The following PSD2 variants were observed in gnomAD, a reference collection of about 807,000 sequenced individuals.
The protein encoded by PSD2 is PH and SEC7 domain-containing protein 2.
In PSD2, 38 loss-of-function variants were observed where a neutral mutation model predicts 69.8. That is an observed-to-expected ratio of 0.54 (90% confidence interval 0.42 to 0.71). The LOEUF (loss-of-function observed/expected upper bound fraction) is 0.71, where lower values mean the gene tolerates loss of function less well. PSD2 is among the 30% of genes least tolerant of loss of function. PSD2 has a pLI of 0.00. For missense variants in PSD2, 943 were observed against 1,014.5 expected, an observed-to-expected ratio of 0.93 and a Z score of 0.96; for synonymous variants, 412 against 423.0, an observed-to-expected ratio of 0.97 and a Z score of 0.32.
At chr5:139,817,377 G>C in intron 4 of PSD2, 104 bp from the exon 5 acceptor site, 1 of 938,478 alleles carries the variant, frequency 1.1e-6, no homozygotes, top group Non-Finnish European at 1.7e-6. Flanking sequence ...AGCAGGTCTA[G>C]GGGGTGGGTG....
the PSD2 span, among the ~76,000 whole-genome samples, chr5:139,772,048 G>A: frequency 0.029 from 4,357 of 152,264 alleles, 112 homozygotes; most frequent in East Asian, 0.11. Flanking sequence ...AGGGGACAAT[G>A]AGAGGAGGAA....
chr5:139,816,890 C>G (rs1760134318), intron 4 of PSD2, among the ~76,000 whole-genome samples: 1 of 152,238 alleles, frequency 6.6e-6, no homozygotes, highest in Non-Finnish European at 1.5e-5. Context: ...AGTCTCACAT[C>G]TCCCGCAGGG....
At chr5:139,783,177 G>A in the PSD2 span, among the ~76,000 whole-genome samples, 1 of 152,198 alleles carries the variant, frequency 6.6e-6, no homozygotes, top group Admixed American at 6.5e-5. Context: ...GGTCACACCT[G>A]TAATCCCAGC....
chr5:139,821,913 C>T lies in PSD2; in HGVS notation c.1118C>T (p.Pro373Leu), dbSNP rs755877993. 13 of 1,608,050 alleles carry T rather than the reference C, an allele frequency of 8.1e-6. No individual in the cohort carries two copies. Among genetic ancestry groups the T allele is most frequent in the Middle Eastern group, 1.7e-4 (1 of 5,914 alleles). Residue 373 changes from proline (P) to leucine (L), a missense_variant, in exon 6 of 15, where the codon CCG (proline) becomes CTG (leucine). Physicochemically the swap from Pro to Leu is moderately conservative, Grantham distance 98. This residue lies in a region of PSD2 where 312 missense variants were observed against 400.7 expected (regional missense o/e 0.78). Coordinates refer to ENST00000274710, the MANE Select transcript of PSD2 (RefSeq NM_032289.4). ...TCCAGAACATTCTTGAAGGCCTTCC[C>T]GCTGATGGGGGAGACACAAGAGCGT... ...GALRTFLKAF[P>L]LMGETQERER... is the part of the protein sequence containing the mutation.
chr5:139,809,689 G>C lies in PSD2; in HGVS notation c.249G>C (p.Leu83=), dbSNP rs1432796276. 1 of 1,614,252 alleles carries C rather than the reference G, an allele frequency of 6.2e-7. No homozygotes were observed. The highest frequency in any genetic ancestry group is 1.1e-5 in the South Asian group (1 of 91,084). ...LGLSLTNGLA[L]GPDLNILEDS... is the part of the protein sequence containing the mutation. ...TCTCTCTCACCAATGGCCTAGCCCT[G>C]GGGCCAGACTTGAACATTCTGGAAG... Residue 83 remains leucine, a synonymous_variant, in exon 2 of 15, where the codon CTG becomes CTC. Transcript: ENST00000274710.
Position 139,837,843 on chromosome 5 carries a change from C to T in PSD2, c.1823+61C>T, listed in dbSNP as rs1330670359. 2 of 1,504,816 alleles carry T rather than the reference C, an allele frequency of 1.3e-6. No individual in the cohort carries two copies. The highest frequency in any genetic ancestry group is 1.9e-5 in the Admixed American group (1 of 53,638). The allele number at this position is 1,504,816 out of a possible 1,614,324, so 93.2% of individuals were successfully genotyped here. On this transcript the variant is annotated intron_variant, in intron 12 of 14. Coordinates refer to ENST00000274710, the MANE Select transcript of PSD2 (RefSeq NM_032289.4). The surrounding 1 kb of genome is among the most constrained non-coding windows in gnomAD (Gnocchi z 5.0). ...GGCCCAGGGCCACAGTGACCCGGCA[C>T]ACAACCCCTCTCCTTCCCGTGAGTC... is the stretch of plus-strand genomic sequence containing the variant.
rs1760049465 is a variant in PSD2, at chr5:139,814,019, C to G, written c.822-151C>G. 2.5e-6 allele frequency: 2 copies of G among 791,448 alleles called. No individual in the cohort carries two copies. The highest frequency in any genetic ancestry group is 5.0e-5 in the East Asian group (2 of 39,816). 49.0% of individuals were successfully genotyped at this position (791,448 alleles called of 1,614,324 possible). On this transcript the variant is annotated intron_variant, in intron 3 of 14. Coordinates refer to ENST00000274710, the MANE Select transcript of PSD2 (RefSeq NM_032289.4). This position sits in a 1 kb window ranked among gnomAD's most constrained non-coding sequence, Gnocchi z 4.4. ...TCACTTGAGAGGTTCTTCTGAAAGT[C>G]TGATTTCATTCCCTCCGGCTGCAGT...
Position 139,814,278 on chromosome 5 carries a change from C to T in PSD2, c.930C>T (p.Val310=). 1 of 1,613,706 alleles carries T rather than the reference C, an allele frequency of 6.2e-7. No homozygotes were observed. Among genetic ancestry groups the T allele is most frequent in the Non-Finnish European group, 8.5e-7 (1 of 1,179,792 alleles). The change falls in exon 4 of 15, where the codon GTC becomes GTT. Residue 310 remains valine (V), a synonymous_variant. Coordinates refer to ENST00000274710, the MANE Select transcript of PSD2 (RefSeq NM_032289.4). This position sits in a 1 kb window ranked among gnomAD's most constrained non-coding sequence, Gnocchi z 4.4. ...ADPLANGCQG[V]SEAAHRLARR... ...CTCTGGCCAACGGGTGCCAGGGGGT[C>T]AGTGAAGCTGCTCATCGGCTGGCAC...
At position 139,817,498 on chromosome 5, in the gene PSD2, T is replaced by C; in HGVS notation, c.1034T>C (p.Leu345Pro). 1 of 1,614,154 alleles carries C rather than the reference T, an allele frequency of 6.2e-7. No homozygotes were observed. Among genetic ancestry groups the C allele is most frequent in the South Asian group, 1.1e-5 (1 of 91,084 alleles). ...QLGKNNEFSR[L>P]VAGEYLSFFD... ...CCTGGCAGCAACGAGTTTAGCAGGC[T>C]GGTGGCCGGGGAGTACCTCAGTTTC... Residue 345 changes from leucine (L) to proline (P), a missense_variant, in exon 5 of 15, where the codon CTG becomes CCG. This residue lies in a region of PSD2 where 312 missense variants were observed against 400.7 expected (regional missense o/e 0.78). Coordinates refer to ENST00000274710, the MANE Select transcript of PSD2 (RefSeq NM_032289.4).
chr5:139,816,809 G>A (rs979032610), intron 4 of PSD2, among the ~76,000 whole-genome samples: 1 of 152,180 alleles, frequency 6.6e-6, no homozygotes, highest in African/African-American at 2.4e-5. Flanking sequence ...TGTTGCATGG[G>A]CTCAGCCCCA....
At chr5:139,744,529 C>T in the PSD2 span, among the ~76,000 whole-genome samples, 13 of 152,258 alleles carry the variant, frequency 8.5e-5, no homozygotes, top group South Asian at 2.1e-3. Flanking sequence ...GGCAGCTGTC[C>T]GGCTGAGTGG....
the PSD2 span, among the ~76,000 whole-genome samples, chr5:139,766,835 CTTTCTTTCTTTCTT>C: frequency 2.2e-5 from 3 of 138,104 alleles, no homozygotes; most frequent in African/African-American, 8.4e-5. Flanking sequence ...TTCCTTCTTT[CTTTCTTTCTTTCTT>C]TCTTTCTTTC....
upstream of PSD2, among the ~76,000 whole-genome samples, chr5:139,794,546 T>G (rs960650044): frequency 6.6e-6 from 1 of 152,176 alleles, no homozygotes; most frequent in African/African-American, 2.4e-5. Context: ...GAAGACTTCA[T>G]GAAGGAAGGG....
the PSD2 span, among the ~76,000 whole-genome samples, chr5:139,759,926 G>A: frequency 3.9e-5 from 6 of 152,220 alleles, no homozygotes; most frequent in African/African-American, 1.2e-4. Context: ...AGTTTTGATA[G>A]GGTAACTGAG....
the PSD2 span, among the ~76,000 whole-genome samples, chr5:139,748,490 C>G: frequency 1.3e-5 from 2 of 152,232 alleles, no homozygotes; most frequent in African/African-American, 4.8e-5. Context: ...ACCACTACCA[C>G]CCCCAAACAT....
the PSD2 span, among the ~76,000 whole-genome samples, chr5:139,777,830 C>G: frequency 4.6e-5 from 7 of 152,088 alleles, no homozygotes; most frequent in African/African-American, 7.2e-5. Flanking sequence ...CTACAGTGAG[C>G]CATGATAGCC....
intron 1 of PSD2, 71 bp downstream of exon 1, chr5:139,796,046 G>C (rs1759517337): frequency 2.2e-5 from 2 of 89,222 alleles, no homozygotes; most frequent in Non-Finnish European, 4.3e-5. Context: ...GGACGGGCCG[G>C]GGAGAGGGCC....
rs529950725 is a variant in PSD2, at chr5:139,797,240, G to C, written c.-51+1265G>C. On this transcript the variant is annotated intron_variant, in intron 1 of 14. Coordinates refer to ENST00000274710, the MANE Select transcript of PSD2 (RefSeq NM_032289.4). Reference sequence around the variant, plus strand: ...TTTCCCCAATATATGCGGGAAGCAGGGAACAGGGGCTTTTGAGTGGGGCTA... The same window carrying C: ...TTTCCCCAATATATGCGGGAAGCAGCGAACAGGGGCTTTTGAGTGGGGCTA... Among the ~76,000 whole-genome samples the C allele has an allele frequency of 2.0e-5, 3 of 152,356 alleles. No individual in the cohort carries two copies. The East Asian group carries it at 5.8e-4, about 29-fold the overall frequency.
rs377246750 is a variant in PSD2 at position 139,822,692 on chromosome 5, C to T, written c.1211-34C>T. On this transcript the variant is annotated intron_variant, in intron 6 of 14. Coordinates refer to ENST00000274710, the MANE Select transcript of PSD2 (RefSeq NM_032289.4). Reference sequence around the variant, plus strand: ...GACAGGGAGTGGGAAGAGGTTGGATCCTCGCACTGAGAGTGCCACCATCTC... The same window carrying T: ...GACAGGGAGTGGGAAGAGGTTGGATTCTCGCACTGAGAGTGCCACCATCTC... 5.0e-6 allele frequency: 8 copies of T among 1,588,866 alleles called. No individual in the cohort carries two copies. In the East Asian group the frequency reaches 6.8e-5, roughly 14 times the overall value.
Sources: allele counts gnomAD v4.1 joint callset (sites outside exome capture counted in the v4.1 genomes callset), GRCh38; gene constraint gnomAD v4.1.1; regional missense constraint gnomAD v4.1.1; non-coding constraint Gnocchi (gnomAD v3.1); transcripts MANE v1.5; gene names NCBI Gene and HGNC (gene_info 2026-07-23, HGNC 2026-07-21).